Variants in OPN3 observed in about 807,000 individuals in gnomAD.
OPN3 encodes the protein opsin 3, also known as opsin-3.
Under a neutral mutation model 33.8 loss-of-function variants are expected in OPN3, and 29 were observed. That is an observed-to-expected ratio of 0.86 (90% confidence interval 0.64 to 1.17). OPN3 has a LOEUF of 1.17. OPN3 is among the 50% of genes most tolerant of loss of function. The pLI is 0.00. For missense variants in OPN3, 437 were observed against 514.1 expected, an observed-to-expected ratio of 0.85 and a Z score of 1.45; for synonymous variants, 216 against 216.1, an observed-to-expected ratio of 1.00 and a Z score of 0.00.
rs1663410397 is a variant in OPN3 at position 241,593,862 on chromosome 1, AC to A, written c.*565del. ...TCCTCTGGTGCTGGTCTCCAGGCTGACAAGGATTCAAAGTTGTCTCTGAAAC... is the reference window on the plus strand; with the variant it reads ...TCCTCTGGTGCTGGTCTCCAGGCTGAAAGGATTCAAAGTTGTCTCTGAAAC... On this transcript the variant is annotated 3_prime_UTR_variant, in exon 4 of 4. Transcript: ENST00000366554. The A allele has an allele frequency of 6.5e-6, 1 of 153,726 alleles. No homozygotes were observed. The highest frequency in any genetic ancestry group is 1.4e-5 in the Non-Finnish European group (1 of 69,066). The allele number at this position is 153,726 out of a possible 1,614,324, so 9.5% of individuals were successfully genotyped here. A position where few individuals can be genotyped will look rare whatever the true frequency, so the allele number is the denominator to read the frequency against.
intron 1 of OPN3, chr1:241,632,747 G>C (rs1222419818): frequency 6.6e-6 from 1 of 152,118 alleles, no homozygotes. Flanking sequence ...TTATGTTATA[G>C]TGATATTAAT....
chr1:241,622,626 A>G (rs1247403355), intron 1 of OPN3, among the ~76,000 whole-genome samples: 1 of 152,154 alleles, frequency 6.6e-6, no homozygotes, highest in Non-Finnish European at 1.5e-5. Context: ...GTTTAAAACC[A>G]TTGTTCTAGA....
intron 1 of OPN3, among the ~76,000 whole-genome samples, chr1:241,638,081 C>G (rs1006625695): frequency 1.3e-5 from 2 of 152,218 alleles, no homozygotes; most frequent in Non-Finnish European, 2.9e-5. Flanking sequence ...AACTTCACTA[C>G]TAACTTGCCC....
At chr1:241,596,436 A>G (rs1362612653) in intron 3 of OPN3, among the ~76,000 whole-genome samples, 2 of 152,226 alleles carry the variant, frequency 1.3e-5, no homozygotes, top group Non-Finnish European at 2.9e-5. Context: ...AATTGAAGGC[A>G]ACAAAACAGG....
chr1:241,613,642 T>C (rs1664052410), intron 1 of OPN3, among the ~76,000 whole-genome samples: 1 of 152,188 alleles, frequency 6.6e-6, no homozygotes. Context: ...ATTTGAATAA[T>C]ATCTCTCAGC....
At chr1:241,635,208 A>G in intron 1 of OPN3, 1 of 1,613,340 alleles carries the variant, frequency 6.2e-7, no homozygotes, top group Non-Finnish European at 8.5e-7. Context: ...GTGTGCATAC[A>G]AGTTTTATCT....
intron 1 of OPN3, 140 bp downstream of exon 1, chr1:241,639,742 C>T (rs1665040525): frequency 1.1e-5 from 8 of 754,930 alleles, no homozygotes; most frequent in African/African-American, 3.1e-5. Context: ...GAGCGGGGAG[C>T]GGGGCGGTGT....
chr1:241,634,393 T>C (rs758380488), intron 1 of OPN3: 2 of 1,613,882 alleles, frequency 1.2e-6, no homozygotes, highest in South Asian at 2.2e-5. Flanking sequence ...CTGTAATGAG[T>C]ACTGCCCTAG....
intron 1 of OPN3, among the ~76,000 whole-genome samples, chr1:241,608,099 T>C (rs1387601697): frequency 6.6e-6 from 1 of 152,232 alleles, no homozygotes; most frequent in Non-Finnish European, 1.5e-5. Context: ...ATAATGGTAT[T>C]TACTTTTATA....
At chr1:241,625,970 T>C (rs1023750689) in intron 1 of OPN3, among the ~76,000 whole-genome samples, 2 of 152,216 alleles carry the variant, frequency 1.3e-5, no homozygotes, top group African/African-American at 4.8e-5. Flanking sequence ...TCTCCAGACT[T>C]TGCCAATAAA....
intron 1 of OPN3, among the ~76,000 whole-genome samples, chr1:241,617,323 T>C (rs1443978800): frequency 6.6e-6 from 1 of 152,196 alleles, no homozygotes; most frequent in African/African-American, 2.4e-5. Context: ...TCTTTTTAAT[T>C]CTATGAAAAC....
In OPN3 at chr1:241,594,616, C is replaced by T. The variant is rs1212111499; in HGVS notation, c.1021G>A (p.Ala341Thr). 4 of 1,613,986 alleles carry T rather than the reference C, an allele frequency of 2.5e-6. No individual in the cohort carries two copies. Among genetic ancestry groups the T allele is most frequent in the Non-Finnish European group, 3.4e-6 (4 of 1,179,990 alleles). Residue 341 changes from alanine (A) to threonine (T), a missense_variant, in exon 4 of 4, where the codon GCT becomes ACT. Transcript: ENST00000366554. ...CQRPAKDLPA[A>T]GSEMQIRPIV... ...GGTCTGATCTGCATTTCACTTCCAG[C>T]TGCTGGTAGGTCTTTAGCAGGCCTC...
intron 1 of OPN3, chr1:241,636,216 C>T (rs1317683554): frequency 7.6e-6 from 3 of 394,092 alleles, no homozygotes; most frequent in Admixed American, 8.7e-5. Context: ...TGCTTTCTCA[C>T]ATATTTTCTA....
intron 1 of OPN3, 77 bp downstream of exon 1, chr1:241,639,805 C>T (rs1573971111): frequency 3.9e-6 from 5 of 1,268,426 alleles, no homozygotes; most frequent in Middle Eastern, 2.9e-4. Context: ...GGCTGGGGGG[C>T]GGACGCACGG....
At chr1:241,637,410 G>C (rs1372671196) in intron 1 of OPN3, among the ~76,000 whole-genome samples, 1 of 152,136 alleles carries the variant, frequency 6.6e-6, no homozygotes, top group Non-Finnish European at 1.5e-5. Context: ...AAGAAGCCAG[G>C]AACTAAGTAC....
rs1429940589 is a variant in OPN3 at position 241,639,971 on chromosome 1, AC to A, written c.283del (p.Val95SerfsTer9). On this transcript the variant is annotated frameshift_variant, in exon 1 of 4. Coordinates refer to ENST00000366554, the MANE Select transcript of OPN3 (RefSeq NM_014322.3). LOFTEE classifies it high-confidence loss of function. ...LSDLLVSLFG[V>X]TFTFVSCLRN... ...CAGGCAGGACACGAAGGTAAAGGTG[AC>A]CCCGAAGAGGGACACCAGCAGGTCG... 6.2e-7 allele frequency: 1 copy of A among 1,612,054 alleles called. No individual in the cohort carries two copies. Among genetic ancestry groups the A allele is most frequent in the African/African-American group, 1.3e-5 (1 of 74,672 alleles).
chr1:241,606,923 A>G (rs914087556), intron 1 of OPN3, among the ~76,000 whole-genome samples: 2 of 152,240 alleles, frequency 1.3e-5, no homozygotes, highest in African/African-American at 4.8e-5. Context: ...TTTTGTTTTC[A>G]TAAAATTGAA....
chr1:241,606,905 C>G (rs1425304834), intron 1 of OPN3, among the ~76,000 whole-genome samples: 1 of 152,204 alleles, frequency 6.6e-6, no homozygotes, highest in Admixed American at 6.5e-5. Flanking sequence ...GCAAATCAAA[C>G]AATCTCTTTT....
intron 3 of OPN3, 103 bp downstream of exon 3, chr1:241,597,643 T>C (rs1475443847): frequency 8.4e-7 from 1 of 1,189,394 alleles, no homozygotes; most frequent in East Asian, 2.4e-5. Context: ...TTCTTGTTTT[T>C]TTTTTAATTG....
Sources: allele counts gnomAD v4.1 joint callset (sites outside exome capture counted in the v4.1 genomes callset), GRCh38; gene constraint gnomAD v4.1.1; transcripts MANE v1.5; gene names NCBI Gene and HGNC (gene_info 2026-07-23, HGNC 2026-07-21).